VTI1A: variants seen among roughly 807,000 people sequenced by gnomAD.
The protein encoded by VTI1A is vesicle transport through interaction with t-SNAREs homolog 1A.
Under a neutral mutation model 34.9 loss-of-function variants are expected in VTI1A, and 22 were observed. The observed-to-expected ratio is 0.63, with a 90% CI of 0.45 to 0.90. VTI1A has a LOEUF of 0.90. Ranked by LOEUF, VTI1A falls within the 40% of genes least tolerant of loss-of-function variation. The probability of loss-of-function intolerance (pLI) is 0.00; values close to 1 mark genes in which losing one functional copy is unlikely to be tolerated. For missense variants in VTI1A, 268 were observed against 275.6 expected (o/e 0.97, Z 0.20); for synonymous variants, 87 against 97.3 (o/e 0.89, Z 0.62).
chr10:112,727,496 T>C (rs564711949), intron 7 of VTI1A, among the ~76,000 whole-genome samples: 73 of 152,218 alleles, frequency 4.8e-4, no homozygotes, highest in Non-Finnish European at 8.2e-4. Flanking sequence ...TGATAGGAAA[T>C]AAATTATAAG....
the VTI1A span, among the ~76,000 whole-genome samples, chr10:112,837,403 T>C: frequency 2.0e-5 from 3 of 152,144 alleles, no homozygotes; most frequent in Non-Finnish European, 4.4e-5. Context: ...GACCCACCGA[T>C]GTGGATCCTG....
chr10:112,452,645 G>A (rs2134014888), intron 1 of VTI1A, among the ~76,000 whole-genome samples: 1 of 151,142 alleles, frequency 6.6e-6, no homozygotes, highest in Admixed American at 6.6e-5. Context: ...ACAATTGTGT[G>A]TGTGTATGCA....
chr10:112,572,905 G>A (rs1023017894), intron 5 of VTI1A, among the ~76,000 whole-genome samples: 1 of 151,628 alleles, frequency 6.6e-6, no homozygotes, highest in Admixed American at 6.6e-5. Flanking sequence ...TATTTTAATG[G>A]TGTATTTTAG....
At chr10:112,505,004 C>G (rs1392594785) in intron 3 of VTI1A, among the ~76,000 whole-genome samples, 1 of 151,660 alleles carries the variant, frequency 6.6e-6, no homozygotes, top group East Asian at 1.9e-4. Flanking sequence ...TTTTTTAATG[C>G]TTTGAAGATT....
chr10:112,478,156 T>C (rs954172305), intron 3 of VTI1A, among the ~76,000 whole-genome samples: 2 of 152,232 alleles, frequency 1.3e-5, no homozygotes, highest in Non-Finnish European at 2.9e-5. Flanking sequence ...CTAGAAGTAG[T>C]GAATCCTATA....
chr10:112,522,351 T>G (rs1850055942), intron 3 of VTI1A, among the ~76,000 whole-genome samples: 1 of 152,086 alleles, frequency 6.6e-6, no homozygotes, highest in Non-Finnish European at 1.5e-5. Flanking sequence ...AATTCTTCTA[T>G]AGACCCATTT....
intron 3 of VTI1A, among the ~76,000 whole-genome samples, chr10:112,519,273 G>A (rs923482609): frequency 6.6e-6 from 1 of 152,078 alleles, no homozygotes; most frequent in Non-Finnish European, 1.5e-5. Context: ...TAGCTGGTGC[G>A]GCTCCTCTCT....
chr10:112,622,316 A>G (rs1275672566), intron 5 of VTI1A, among the ~76,000 whole-genome samples: 1 of 152,210 alleles, frequency 6.6e-6, no homozygotes, highest in African/African-American at 2.4e-5. Context: ...CAGCTGAAGC[A>G]AGGTCTGTCG....
At chr10:112,593,401 T>TG (rs1430293352) in intron 5 of VTI1A, among the ~76,000 whole-genome samples, 1 of 152,150 alleles carries the variant, frequency 6.6e-6, no homozygotes, top group Non-Finnish European at 1.5e-5. Context: ...ATCCCCTTCC[T>TG]CAGGGAGGGC....
At chr10:112,525,457 A>G (rs984180392) in intron 3 of VTI1A, among the ~76,000 whole-genome samples, 1 of 152,126 alleles carries the variant, frequency 6.6e-6, no homozygotes, top group Admixed American at 6.5e-5. Flanking sequence ...TGTGTGGTAG[A>G]ATGAGCACTG....
intron 3 of VTI1A, among the ~76,000 whole-genome samples, chr10:112,466,004 C>T (rs940032359): frequency 7.2e-5 from 11 of 152,258 alleles, no homozygotes; most frequent in Non-Finnish European, 1.5e-4. Context: ...ATTAGGTTTT[C>T]AGCAAATTAA....
intron 4 of VTI1A, among the ~76,000 whole-genome samples, chr10:112,536,707 A>G (rs1850631249): frequency 6.6e-6 from 1 of 151,616 alleles, no homozygotes; most frequent in Admixed American, 6.6e-5. Context: ...ATCAGGTCCT[A>G]TCTCTCTGTT....
intron 3 of VTI1A, among the ~76,000 whole-genome samples, chr10:112,517,689 C>G (rs550216578): frequency 4.5e-4 from 69 of 152,122 alleles, no homozygotes; most frequent in Middle Eastern, 3.4e-3. Context: ...CTGTGATCTC[C>G]CTCCGGAAAA....
chr10:112,779,297 C>T (rs182005861), intron 7 of VTI1A, among the ~76,000 whole-genome samples: 19 of 152,234 alleles, frequency 1.2e-4, no homozygotes, highest in East Asian at 3.9e-4. Flanking sequence ...ATTTACTAGA[C>T]GCTAAGAAGT....
chr10:112,459,295 T>C (rs1381806478), intron 1 of VTI1A, among the ~76,000 whole-genome samples: 1 of 152,218 alleles, frequency 6.6e-6, no homozygotes, highest in African/African-American at 2.4e-5. Context: ...TTTTCAGCCA[T>C]TGCACGCTTG....
rs574324835 is a variant in VTI1A at position 112,573,962 on chromosome 10, G to A, written c.427+35632G>A. Among the ~76,000 whole-genome samples the A allele has an allele frequency of 2.0e-3, 305 of 152,238 alleles. 1 individual carries two copies. The highest frequency in any genetic ancestry group is 3.4e-3 in the Non-Finnish European group (229 of 68,016). On this transcript the variant is annotated intron_variant, in intron 5 of 7. Transcript: ENST00000393077. ...CCCAGAAGCTTCAGAATATGATAAAGTACATTGTTAAAAGGTTAGGTTCTT... is the reference window on the plus strand; with the variant it reads ...CCCAGAAGCTTCAGAATATGATAAAATACATTGTTAAAAGGTTAGGTTCTT...
chr10:112,517,033 T>G (rs1849806457), intron 3 of VTI1A, among the ~76,000 whole-genome samples: 1 of 152,144 alleles, frequency 6.6e-6, no homozygotes, highest in South Asian at 2.1e-4. Flanking sequence ...GAACAATAGG[T>G]ATGAATGAGA....
At chr10:112,736,101 A>ATGTG (rs1176258933) in intron 7 of VTI1A, among the ~76,000 whole-genome samples, 5 of 127,014 alleles carry the variant, frequency 3.9e-5, no homozygotes, top group African/African-American at 7.0e-5. Flanking sequence ...TTACATATAT[A>ATGTG]TGTGTGTGTG....
the VTI1A span, among the ~76,000 whole-genome samples, chr10:112,830,259 T>C: frequency 6.6e-6 from 1 of 152,036 alleles, no homozygotes; most frequent in East Asian, 1.9e-4. Flanking sequence ...CCATGGCCCG[T>C]CCAGCCTTGC....
Sources: allele counts gnomAD v4.1 joint callset (sites outside exome capture counted in the v4.1 genomes callset), GRCh38; gene constraint gnomAD v4.1.1; transcripts MANE v1.5; gene names NCBI Gene and HGNC (gene_info 2026-07-23, HGNC 2026-07-21).